Variants in ZMYND11 observed in about 807,000 individuals in gnomAD.
ZMYND11 encodes zinc finger MYND domain-containing protein 11.
In ZMYND11, 9 loss-of-function variants were observed where a neutral mutation model predicts 84.9. That is an observed-to-expected ratio of 0.11 (90% confidence interval 0.06 to 0.18). The LOEUF (loss-of-function observed/expected upper bound fraction) is 0.18. Among genes scored for constraint, ZMYND11 ranks in the 10% least tolerant of loss-of-function variants. The pLI is 1.00. For synonymous variants in ZMYND11, 250 were observed against 244.1 expected (o/e 1.02, Z -0.23); for missense variants, 409 against 761.0 (o/e 0.54, Z 5.44).
chr10:133,826 G>T (rs1588308794), upstream of ZMYND11, among the ~76,000 whole-genome samples: 1 of 152,066 alleles, frequency 6.6e-6, no homozygotes, highest in Non-Finnish European at 1.5e-5. Context: ...ATTATTCTGT[G>T]ATGTTCTTTG....
intron 1 of ZMYND11, among the ~76,000 whole-genome samples, chr10:139,247 ACT>A (rs1251436760): frequency 6.6e-6 from 1 of 152,006 alleles, no homozygotes; most frequent in Non-Finnish European, 1.5e-5. Flanking sequence ...CATATCTGGC[ACT>A]CTGTCCATAA....
At position 225,260 on chromosome 10, in the gene ZMYND11, A is replaced by T. The variant is rs552817291; in HGVS notation, c.438+3904A>T. 4.6e-5 allele frequency among the ~76,000 whole-genome samples: 7 copies of T among 152,352 alleles called. No individual in the cohort carries two copies. In the South Asian group the frequency reaches 1.4e-3, roughly 32 times the overall value. On this transcript the variant is annotated intron_variant, in intron 4 of 14. Transcript: ENST00000381604. ...TCACTGACTTGTTCTTCAGAGTATT[A>T]TACCCATGTACATCAACAGCACATG... is the stretch of plus-strand genomic sequence containing the variant.
At chr10:177,869 A>G (rs1365138589) in intron 1 of ZMYND11, among the ~76,000 whole-genome samples, 4 of 152,150 alleles carry the variant, frequency 2.6e-5, no homozygotes, top group Non-Finnish European at 4.4e-5. Context: ...CGTAAAATAT[A>G]GGAAATTTAT....
chr10:223,908 T>C (rs1947607033), intron 4 of ZMYND11, among the ~76,000 whole-genome samples: 1 of 152,090 alleles, frequency 6.6e-6, no homozygotes. Flanking sequence ...AGACAGAAAC[T>C]CAAGAACTGT....
Position 209,878 on chromosome 10 carries a change from T to C in ZMYND11, c.117-11T>C. 1 of 1,584,630 alleles carries C rather than the reference T, an allele frequency of 6.3e-7. No homozygotes were observed. Among genetic ancestry groups the C allele is most frequent in the Non-Finnish European group, 8.6e-7 (1 of 1,165,010 alleles). On this transcript the variant is annotated splice_polypyrimidine_tract_variant and intron_variant, in intron 2 of 14. Transcript: ENST00000381604. ...GAAAGATTTTTAAATTTGTTTTTCCTCTGTGTTCAGGTATATGTCTCGAGT... is the reference window on the plus strand; with the variant it reads ...GAAAGATTTTTAAATTTGTTTTTCCCCTGTGTTCAGGTATATGTCTCGAGT...
intron 1 of ZMYND11, among the ~76,000 whole-genome samples, chr10:136,024 G>C (rs1835937525): frequency 6.6e-6 from 1 of 151,796 alleles, no homozygotes; most frequent in Non-Finnish European, 1.5e-5. Flanking sequence ...GTTTGTCGGC[G>C]CGGCACGTCG....
chr10:138,934 C>T (rs2131091160), intron 1 of ZMYND11, among the ~76,000 whole-genome samples: 1 of 152,298 alleles, frequency 6.6e-6, no homozygotes, highest in South Asian at 2.1e-4. Context: ...GCCTCTGCCT[C>T]CTGGGTTCAA....
intron 2 of ZMYND11, among the ~76,000 whole-genome samples, chr10:184,484 C>T (rs1409658037): frequency 6.6e-6 from 1 of 151,890 alleles, no homozygotes; most frequent in Non-Finnish European, 1.5e-5. Flanking sequence ...TTTTTGTGTA[C>T]CCTCTAATTT....
chr10:163,248 C>A (rs1843298531), intron 1 of ZMYND11, among the ~76,000 whole-genome samples: 1 of 152,152 alleles, frequency 6.6e-6, no homozygotes, highest in Non-Finnish European at 1.5e-5. Flanking sequence ...ACCTGGGAAG[C>A]AACTCTCAGT....
upstream of ZMYND11, among the ~76,000 whole-genome samples, chr10:131,767 TACCTCCCGCCTTG>T (rs1835317279): frequency 6.6e-6 from 1 of 151,920 alleles, no homozygotes; most frequent in Non-Finnish European, 1.5e-5. Flanking sequence ...GCCCCAAGTG[TACCTCCCGCCTTG>T]GCCTCCCAAA....
chr10:214,927 C>G (rs1945895090), intron 3 of ZMYND11, among the ~76,000 whole-genome samples: 1 of 152,176 alleles, frequency 6.6e-6, no homozygotes. Flanking sequence ...GAGTTATACT[C>G]TTAAGCAATA....
chr10:192,427 C>T (rs1272390657), intron 2 of ZMYND11, among the ~76,000 whole-genome samples: 1 of 152,150 alleles, frequency 6.6e-6, no homozygotes, highest in Non-Finnish European at 1.5e-5. Context: ...TCATTGTGCT[C>T]CATATCTCTT....
At chr10:210,136 A>G (rs1330052887) in intron 3 of ZMYND11, 88 bp downstream of exon 3, 4 of 1,413,580 alleles carry the variant, frequency 2.8e-6, no homozygotes, top group African/African-American at 1.4e-5. Context: ...AATCATTTTC[A>G]GAAGTTTAAT....
At chr10:136,995 ATATC>A (rs1260739153) in intron 1 of ZMYND11, among the ~76,000 whole-genome samples, 8 of 152,104 alleles carry the variant, frequency 5.3e-5, no homozygotes, top group Non-Finnish European at 1.0e-4. Flanking sequence ...TTTTGTATAT[ATATC>A]TGGTGGCATG....
At position 248,308 on chromosome 10, in the gene ZMYND11, G is replaced by A. The variant is rs775114005; in HGVS notation, c.1228-28G>A. ...CTGGTGAATTATGTGGCTTCGTTTG[G>A]CGTCTAAACTCTTGTCTCACCTTTT... On this transcript the variant is annotated intron_variant, in intron 12 of 14. Transcript: ENST00000381604. 7 of 1,599,466 alleles carry A rather than the reference G, an allele frequency of 4.4e-6. No individual in the cohort carries two copies. In the African/African-American group the frequency reaches 8.1e-5, roughly 18 times the overall value.
chr10:162,895 G>T (rs1843224868), intron 1 of ZMYND11, among the ~76,000 whole-genome samples: 1 of 152,084 alleles, frequency 6.6e-6, no homozygotes, highest in Admixed American at 6.6e-5. Flanking sequence ...TGCTGTAATG[G>T]TGACTGGACT....
At chr10:142,139 C>T (rs1316261790) in intron 1 of ZMYND11, among the ~76,000 whole-genome samples, 1 of 152,134 alleles carries the variant, frequency 6.6e-6, no homozygotes, top group African/African-American at 2.4e-5. Context: ...GACAGGGTCT[C>T]ATTCTGTAGG....
At chr10:182,371 C>A (rs1394837070) in intron 2 of ZMYND11, among the ~76,000 whole-genome samples, 2 of 152,164 alleles carry the variant, frequency 1.3e-5, no homozygotes, top group Non-Finnish European at 2.9e-5. Context: ...TCTCTCCTTT[C>A]TTCATCAGCA....
rs552306838 is a variant in ZMYND11, at chr10:236,816, TTTA to T, written c.439-19_439-17del. On this transcript the variant is annotated intron_variant, in intron 4 of 14. Transcript: ENST00000381604. The stretch of plus-strand genomic sequence containing the variant: ...AGAATGATCAGATTTTGTACCTTTT[TTTA>T]TTCTTTTTTTTTCAATAGAGCATTA... 4.6e-4 allele frequency: 731 copies of T among 1,596,576 alleles called. 1 individual carries two copies. The African/African-American group carries it at 8.6e-3, about 19-fold the overall frequency.
Sources: gnomAD v4.1 joint callset for allele counts (sites outside exome capture counted in the v4.1 genomes callset) on GRCh38, gnomAD v4.1.1 for gene constraint, MANE v1.5 for transcripts, NCBI Gene and HGNC (gene_info 2026-07-23, HGNC 2026-07-21) for gene names.